The following JAKMIP3 variants were observed in gnomAD, a reference collection of about 807,000 sequenced individuals.
JAKMIP3 encodes janus kinase and microtubule-interacting protein 3.
JAKMIP3 carries 58 observed loss-of-function variants against 118.5 expected under a neutral mutation model. The ratio of observed to expected loss-of-function variants is 0.49; its 90% CI spans 0.40 to 0.61. JAKMIP3 has a LOEUF of 0.61. Ranked by LOEUF, JAKMIP3 falls within the 20% of genes least tolerant of loss-of-function variation. The pLI is 0.00. For synonymous variants in JAKMIP3, 486 were observed against 451.2 expected, an observed-to-expected ratio of 1.08 and a Z score of -0.98; for missense variants, 950 against 1,109.0, an observed-to-expected ratio of 0.86 and a Z score of 2.04.
upstream of JAKMIP3, among the ~76,000 whole-genome samples, chr10:132,063,617 G>T (rs1226473330): frequency 1.3e-5 from 2 of 152,242 alleles, no homozygotes; most frequent in Non-Finnish European, 2.9e-5. Context: ...CAGCCAGCGT[G>T]GGGATTTGGA....
intron 3 of JAKMIP3, among the ~76,000 whole-genome samples, chr10:132,125,171 C>CT (rs2049283146): frequency 6.6e-6 from 1 of 152,236 alleles, no homozygotes; most frequent in African/African-American, 2.4e-5. Context: ...AAGTTGCCCC[C>CT]TCTGTGTCGC....
intron 1 of JAKMIP3, among the ~76,000 whole-genome samples, chr10:132,066,716 A>G (rs748933420): frequency 5.9e-5 from 9 of 152,200 alleles, no homozygotes; most frequent in Non-Finnish European, 1.3e-4. Flanking sequence ...ACAACAGCTT[A>G]TTAACTTACT....
chr10:132,059,234 CCTG>C (rs1258706540), intron 1 of JAKMIP3, among the ~76,000 whole-genome samples: 9 of 152,252 alleles, frequency 5.9e-5, no homozygotes, highest in African/African-American at 2.2e-4. Context: ...GCCGTCCCCA[CCTG>C]CTGCTGGTGC....
intron 17 of JAKMIP3, among the ~76,000 whole-genome samples, chr10:132,153,364 C>G (rs1484592210): frequency 2.0e-5 from 3 of 152,218 alleles, no homozygotes; most frequent in Non-Finnish European, 4.4e-5. Flanking sequence ...TGCTCCTAGT[C>G]CCACCCCTAG....
chr10:132,077,519 C>G (rs1409217759), intron 1 of JAKMIP3, among the ~76,000 whole-genome samples: 1 of 152,242 alleles, frequency 6.6e-6, no homozygotes, highest in African/African-American at 2.4e-5. Context: ...ATTTGGAATT[C>G]AGCCCCTCGG....
At chr10:132,062,065 G>A (rs2038413969), upstream of JAKMIP3, among the ~76,000 whole-genome samples, 2 of 152,252 alleles carry the variant, frequency 1.3e-5, no homozygotes, top group Middle Eastern at 3.4e-3. Flanking sequence ...GAGCCCAGAC[G>A]AAGAAACCTG....
At position 132,136,085 on chromosome 10, in the gene JAKMIP3, G is replaced by GT. The variant is rs779481835; in HGVS notation, c.1116+10dup. The stretch of plus-strand genomic sequence containing the variant: ...AGGAGAACATAGAAATGGTGAGGGG[G>GT]TGGGGGGCTCCACGGGGCCACGGTC... On this transcript the variant is annotated intron_variant, in intron 6 of 23. Coordinates refer to ENST00000684848, the MANE Select transcript of JAKMIP3 (RefSeq NM_001323087.2). The GT allele has an allele frequency of 1.2e-6, 2 of 1,612,624 alleles. No individual in the cohort carries two copies. The highest frequency in any genetic ancestry group is 2.7e-5 in the African/African-American group (2 of 74,920).
At position 132,182,691 on chromosome 10, in the gene JAKMIP3, G is replaced by A. The variant is rs1193421392; in HGVS notation, c.*1438G>A. The A allele has an allele frequency of 3.3e-5, 5 of 152,222 alleles. No homozygotes were observed. Among genetic ancestry groups the A allele is most frequent in the Non-Finnish European group, 7.3e-5 (5 of 68,048 alleles). 9.4% of individuals were successfully genotyped at this position (152,222 alleles called of 1,614,324 possible). A position where few individuals can be genotyped will look rare whatever the true frequency, so the allele number is the denominator to read the frequency against. On this transcript the variant is annotated 3_prime_UTR_variant, in exon 24 of 24. Coordinates refer to ENST00000684848, the MANE Select transcript of JAKMIP3 (RefSeq NM_001323087.2). ...CAGCCAGGTGTGACTGTTACTGGCA[G>A]CATTGTATAAAAGACACGACTCAGC...
At chr10:132,072,982 A>C (rs2040210998) in intron 1 of JAKMIP3, among the ~76,000 whole-genome samples, 1 of 151,800 alleles carries the variant, frequency 6.6e-6, no homozygotes, top group African/African-American at 2.4e-5. Context: ...TTTAGCTCCC[A>C]CTTGTGAGAA....
chr10:132,065,287 C>T (rs1016925629), upstream of JAKMIP3, among the ~76,000 whole-genome samples: 9 of 152,052 alleles, frequency 5.9e-5, no homozygotes, highest in Non-Finnish European at 1.2e-4. The surrounding 1 kb of genome is among the most constrained non-coding windows in gnomAD (Gnocchi z 5.6). Context: ...ATTGGCGGGC[C>T]AGGTGAGCTC....
intron 9 of JAKMIP3, among the ~76,000 whole-genome samples, chr10:132,139,033 C>T (rs1026325666): frequency 3.2e-4 from 48 of 147,794 alleles, no homozygotes; most frequent in African/African-American, 1.2e-3. Context: ...CCTAACTCAT[C>T]TCCTGCTTTA....
intron 1 of JAKMIP3, among the ~76,000 whole-genome samples, chr10:132,084,031 T>C (rs1031102102): frequency 6.6e-6 from 1 of 152,182 alleles, no homozygotes; most frequent in Non-Finnish European, 1.5e-5. Context: ...CTTTTTTGAT[T>C]CCATGTGAAT....
rs763565342 is a variant in JAKMIP3 at position 132,149,418 on chromosome 10, G to A, written c.1855G>A (p.Glu619Lys). ...EFRILELEER[E>K]RKSPAISFHH... ...TTCTGTCCCTCTGTCCTAGGAGAGG[G>A]AGAGGAAGTCACCCGCCATCAGCTT... The change falls in exon 15 of 24, where the codon GAG becomes AAG. Residue 619 changes from glutamate to lysine, a missense_variant. By Grantham distance (56) the Glu-to-Lys change is moderately conservative (BLOSUM62 1). Transcript: ENST00000684848. 7 of 1,598,980 alleles carry A rather than the reference G, an allele frequency of 4.4e-6. No homozygotes were observed. The highest frequency in any genetic ancestry group is 6.0e-6 in the Non-Finnish European group (7 of 1,172,992).
At chr10:132,151,272 C>T (rs557955577) in intron 16 of JAKMIP3, among the ~76,000 whole-genome samples, 2 of 152,284 alleles carry the variant, frequency 1.3e-5, no homozygotes, top group South Asian at 2.1e-4. Flanking sequence ...CATCCTTTAT[C>T]CTTCCACCTA....
intron 3 of JAKMIP3, among the ~76,000 whole-genome samples, chr10:132,125,698 T>C (rs2049416456): frequency 1.3e-5 from 2 of 152,258 alleles, no homozygotes; most frequent in African/African-American, 2.4e-5. Context: ...ATATCATTAT[T>C]ATAATTATTC....
rs147771510 is a variant in JAKMIP3, at chr10:132,135,307, A to T, written c.969+147A>T. ...CGTCGAAGTCTCCTGACTGTGTTCC[A>T]GTTGAACTTTATTAGCAAAAACAGG... On this transcript the variant is annotated intron_variant, in intron 5 of 23. Coordinates refer to ENST00000684848, the MANE Select transcript of JAKMIP3 (RefSeq NM_001323087.2). 1,292 of 830,766 alleles carry T rather than the reference A, an allele frequency of 1.6e-3. 9 individuals carry two copies. In the African/African-American group the frequency reaches 0.02, roughly 13 times the overall value. The allele number at this position is 830,766 out of a possible 1,614,324, so 51.5% of individuals were successfully genotyped here.
chr10:132,167,123 G>A (rs1390597725), intron 22 of JAKMIP3, 68 bp downstream of exon 22: 1 of 1,106,340 alleles, frequency 9.0e-7, no homozygotes. Flanking sequence ...CTCTGCCCCT[G>A]CCCTGCCAGG....
intron 1 of JAKMIP3, among the ~76,000 whole-genome samples, chr10:132,053,341 G>A (rs571434584): frequency 6.6e-6 from 1 of 152,304 alleles, no homozygotes; most frequent in South Asian, 2.1e-4. Flanking sequence ...GGGTTGTATA[G>A]TTCTGTTTCC....
At chr10:132,159,278 T>C (rs1158037078) in intron 19 of JAKMIP3, among the ~76,000 whole-genome samples, 2 of 119,214 alleles carry the variant, frequency 1.7e-5, no homozygotes, top group Admixed American at 8.9e-5. Context: ...GGGCACCTCT[T>C]CCTCTGTGAT....
Sources: gnomAD v4.1 joint callset for allele counts (sites outside exome capture counted in the v4.1 genomes callset) on GRCh38, gnomAD v4.1.1 for gene constraint, Gnocchi (gnomAD v3.1) non-coding constraint, MANE v1.5 for transcripts, NCBI Gene and HGNC (gene_info 2026-07-23, HGNC 2026-07-21) for gene names.